The following FHIT variants were observed in gnomAD, a reference collection of about 807,000 sequenced individuals.
FHIT encodes the protein bis(5'-adenosyl)-triphosphatase.
In FHIT, 19 loss-of-function variants were observed where a neutral mutation model predicts 17.9. The observed-to-expected ratio is 1.06, with a 90% CI of 0.74 to 1.56. The LOEUF (loss-of-function observed/expected upper bound fraction) is 1.56. FHIT is among the 40% of genes most tolerant of loss of function. The pLI is 0.00. For synonymous variants in FHIT, 81 were observed against 69.7 expected (o/e 1.16, Z -0.81); for missense variants, 248 against 189.2 (o/e 1.31, Z -1.82).
chr3:61,247,159 T>G (rs2040507052), intron 1 of FHIT, among the ~76,000 whole-genome samples: 1 of 152,132 alleles, frequency 6.6e-6, no homozygotes, highest in South Asian at 2.1e-4. Context: ...AAGATAAATG[T>G]GCTGAATAAA....
intron 5 of FHIT, among the ~76,000 whole-genome samples, chr3:60,334,130 C>T (rs1444407858): frequency 1.3e-5 from 2 of 152,128 alleles, no homozygotes; most frequent in African/African-American, 2.4e-5. Flanking sequence ...AATGGAAGGA[C>T]CTAGACTGAA....
At chr3:60,590,051 C>G (rs73093567) in intron 4 of FHIT, among the ~76,000 whole-genome samples, 1 of 151,936 alleles carries the variant, frequency 6.6e-6, no homozygotes, top group African/African-American at 2.4e-5. Flanking sequence ...GGAAGGAGTC[C>G]TCTTTTAATT....
intron 8 of FHIT, among the ~76,000 whole-genome samples, chr3:59,779,774 G>A (rs1163006341): frequency 4.6e-5 from 7 of 152,172 alleles, no homozygotes; most frequent in Non-Finnish European, 4.4e-5. Context: ...TTGAAATGCA[G>A]TAGACAACAG....
chr3:60,713,035 C>T (rs2107941126), intron 4 of FHIT, among the ~76,000 whole-genome samples: 1 of 152,140 alleles, frequency 6.6e-6, no homozygotes, highest in Non-Finnish European at 1.5e-5. Context: ...AAGTAAAGCT[C>T]TCCTCAACAA....
intron 4 of FHIT, chr3:60,537,533 A>G: frequency 1.2e-6 from 1 of 855,130 alleles, no homozygotes; most frequent in Non-Finnish European, 1.4e-6. Flanking sequence ...AAGGAGAAAA[A>G]AAACATTTAA....
chr3:60,704,166 T>C (rs1553702907), intron 4 of FHIT, among the ~76,000 whole-genome samples: 2 of 152,122 alleles, frequency 1.3e-5, no homozygotes, highest in East Asian at 3.9e-4. Context: ...TCATCCCTAG[T>C]TAGAATCTCT....
intron 7 of FHIT, among the ~76,000 whole-genome samples, chr3:59,985,314 TGGCAGGGTAA>T (rs1319020565): frequency 6.6e-6 from 1 of 152,130 alleles, no homozygotes; most frequent in Non-Finnish European, 1.5e-5. Context: ...TTATCTGCAC[TGGCAGGGTAA>T]GGCAGAGTAT....
chr3:60,220,946 G>GT (rs1302064542), intron 5 of FHIT, among the ~76,000 whole-genome samples: 19 of 152,168 alleles, frequency 1.2e-4, no homozygotes, highest in African/African-American at 4.3e-4. Context: ...TGTGGGGATT[G>GT]TTTTAATATA....
At chr3:60,762,754 A>C (rs1553720347) in intron 4 of FHIT, among the ~76,000 whole-genome samples, 1 of 106,204 alleles carries the variant, frequency 9.4e-6, no homozygotes, top group Non-Finnish European at 1.8e-5. Flanking sequence ...GGCCTCATTC[A>C]ATTAGTTGAC....
chr3:60,997,509 G>C (rs1031425890), intron 3 of FHIT, among the ~76,000 whole-genome samples: 8 of 152,106 alleles, frequency 5.3e-5, no homozygotes, highest in Non-Finnish European at 1.0e-4. Context: ...AGTGTTGAGG[G>C]GGGTGTGGAT....
chr3:60,230,556 C>T (rs1312037419), intron 5 of FHIT, among the ~76,000 whole-genome samples: 1 of 152,166 alleles, frequency 6.6e-6, no homozygotes, highest in African/African-American at 2.4e-5. Context: ...CATGTAAGCT[C>T]ACTGCATCTC....
chr3:61,017,738 G>C (rs2032193067), intron 3 of FHIT, among the ~76,000 whole-genome samples: 1 of 152,198 alleles, frequency 6.6e-6, no homozygotes, highest in East Asian at 1.9e-4. Context: ...ATTTGGCAAT[G>C]AGGAGGGGCA....
chr3:61,077,065 A>C (rs1362390585), intron 2 of FHIT, among the ~76,000 whole-genome samples: 1 of 152,150 alleles, frequency 6.6e-6, no homozygotes, highest in Non-Finnish European at 1.5e-5. Flanking sequence ...GAAGTCAGAT[A>C]CTTCAGTTTG....
At chr3:60,327,738 G>C (rs1263931765) in intron 5 of FHIT, among the ~76,000 whole-genome samples, 1 of 152,188 alleles carries the variant, frequency 6.6e-6, no homozygotes, top group Non-Finnish European at 1.5e-5. Context: ...CATAGAGTTT[G>C]TCCTCAGTGA....
chr3:61,036,908 T>A (rs1018707235), intron 3 of FHIT, among the ~76,000 whole-genome samples: 8 of 134,566 alleles, frequency 5.9e-5, no homozygotes, highest in African/African-American at 1.1e-4. Flanking sequence ...TTTGTTTTTT[T>A]TTTTTGTTTG....
At chr3:60,907,829 G>C (rs1706516633) in intron 3 of FHIT, among the ~76,000 whole-genome samples, 1 of 152,180 alleles carries the variant, frequency 6.6e-6, no homozygotes, top group Non-Finnish European at 1.5e-5. Context: ...GCCCTATTTA[G>C]AGAGGTTTGC....
intron 5 of FHIT, among the ~76,000 whole-genome samples, chr3:60,077,795 T>A (rs879487323): frequency 1.3e-5 from 2 of 150,056 alleles, no homozygotes; most frequent in Non-Finnish European, 3.0e-5. Flanking sequence ...AGATCTAATA[T>A]ACAATATGAT....
chr3:60,736,311 T>G (rs1365967412), intron 4 of FHIT, among the ~76,000 whole-genome samples: 1 of 152,210 alleles, frequency 6.6e-6, no homozygotes, highest in Admixed American at 6.5e-5. Context: ...GAAATAAATA[T>G]ACAAGTACAC....
At chr3:60,029,496 G>A (rs192254219) in intron 5 of FHIT, among the ~76,000 whole-genome samples, 113 of 152,264 alleles carry the variant, frequency 7.4e-4, no homozygotes, top group African/African-American at 2.5e-3. Flanking sequence ...ACATATATAT[G>A]CAGTCTCTCT....
Sources: gnomAD v4.1 joint callset for allele counts (sites outside exome capture counted in the v4.1 genomes callset) on GRCh38, gnomAD v4.1.1 for gene constraint, MANE v1.5 for transcripts, NCBI Gene and HGNC (gene_info 2026-07-23, HGNC 2026-07-21) for gene names.